RADIL: variants seen among roughly 807,000 people sequenced by gnomAD.
RADIL encodes Rap associating with DIL domain.
A neutral mutation model predicts 97.6 loss-of-function variants in RADIL; 99 were observed. The ratio of observed to expected loss-of-function variants is 1.01; its 90% CI spans 0.86 to 1.20. The LOEUF (loss-of-function observed/expected upper bound fraction) is 1.20, where lower values mean the gene tolerates loss of function less well. Among genes scored for constraint, RADIL ranks in the 50% most tolerant of loss-of-function variants. RADIL has a pLI of 0.00. For synonymous variants in RADIL, 803 were observed against 691.8 expected (o/e 1.16, Z -2.52); for missense variants, 1,765 against 1,498.9 (o/e 1.18, Z -2.93).
At chr7:4,865,514 G>T in intron 2 of RADIL, 1 of 783,178 alleles carries the variant, frequency 1.3e-6, no homozygotes, top group Non-Finnish European at 2.4e-6. Flanking sequence ...TAGCAACTAT[G>T]CGCAGCCAAT....
intron 2 of RADIL, among the ~76,000 whole-genome samples, chr7:4,874,958 C>T (rs1034280062): frequency 6.6e-6 from 1 of 151,720 alleles, no homozygotes; most frequent in Non-Finnish European, 1.5e-5. Context: ...TTTGGGAGGC[C>T]GAGGCGGGCG....
chr7:4,849,958 C>CT lies in RADIL; in HGVS notation c.536-13354dup, dbSNP rs34013156. On this transcript the variant is annotated intron_variant, in intron 2 of 14. Transcript: ENST00000399583. This position sits in a 1 kb window ranked among gnomAD's most constrained non-coding sequence, Gnocchi z 5.4. ...GATCTTACTACTGATAACATCTTTT[C>CT]TTGGTGAAATATAGTATATGTAGGA... 0.49 allele frequency among the ~76,000 whole-genome samples: 74,169 copies of CT among 151,628 alleles called. 19,204 individuals carry two copies. Among genetic ancestry groups the CT allele is most frequent in the African/African-American group, 0.66 (27,388 of 41,300 alleles).
intron 2 of RADIL, chr7:4,838,160 C>A (rs1468643092): frequency 1.3e-5 from 9 of 692,538 alleles, no homozygotes; most frequent in Non-Finnish European, 1.6e-5. Flanking sequence ...CTGCAGAACC[C>A]GGCCCAGCCT....
chr7:4,807,984 TCC>T (rs1782391648), intron 9 of RADIL, among the ~76,000 whole-genome samples: 1 of 48,732 alleles, frequency 2.1e-5, no homozygotes, highest in Non-Finnish European at 3.6e-5. Context: ...CCTCCCTCTC[TCC>T]CTGTCTCTCT....
chr7:4,802,705 T>TGGC (rs1300931183), intron 11 of RADIL, among the ~76,000 whole-genome samples: 3 of 32,882 alleles, frequency 9.1e-5, no homozygotes, highest in African/African-American at 3.7e-4. Context: ...GCTGGCTGGG[T>TGGC]CCCCTCCCCA....
intron 11 of RADIL, among the ~76,000 whole-genome samples, chr7:4,802,979 T>G (rs13235758): frequency 3.1e-5 from 1 of 32,082 alleles, no homozygotes; most frequent in Non-Finnish European, 5.1e-5. Flanking sequence ...CCTCCCCGGG[T>G]ACCTCGGGGC....
intron 2 of RADIL, among the ~76,000 whole-genome samples, chr7:4,866,466 T>C (rs1212064939): frequency 1.3e-5 from 2 of 152,170 alleles, no homozygotes; most frequent in Non-Finnish European, 2.9e-5. Context: ...AAAAAAATAT[T>C]TCTCATCCAA....
intron 9 of RADIL, among the ~76,000 whole-genome samples, chr7:4,806,297 G>A (rs1218937280): frequency 6.6e-6 from 1 of 152,140 alleles, no homozygotes; most frequent in South Asian, 2.1e-4. Flanking sequence ...CCACAGGCTT[G>A]CACCATTATG....
At chr7:4,801,252 G>GCACACAGGCA (rs1457907606) in intron 12 of RADIL, among the ~76,000 whole-genome samples, 1 of 152,146 alleles carries the variant, frequency 6.6e-6, no homozygotes, top group Non-Finnish European at 1.5e-5. Context: ...ACACGCACAA[G>GCACACAGGCA]CACACAGGCA....
In RADIL at chr7:4,840,442, G is replaced by A. The variant is rs1219115395; in HGVS notation, c.536-3837C>T. 6.6e-6 allele frequency among the ~76,000 whole-genome samples: 1 copy of A among 152,078 alleles called. No individual in the cohort carries two copies. The highest frequency in any genetic ancestry group is 6.6e-5 in the Admixed American group (1 of 15,266). On this transcript the variant is annotated intron_variant, in intron 2 of 14. Coordinates refer to ENST00000399583, the MANE Select transcript of RADIL (RefSeq NM_018059.5). This position sits in a 1 kb window ranked among gnomAD's most constrained non-coding sequence, Gnocchi z 5.6. ...GACCCCAGCCACCTTCAGAAGCATC[G>A]CATGGCGCCATCGCTAGACACACAG...
rs1317783198 is a variant in RADIL at position 4,879,253 on chromosome 7, A to G, written c.-64-1050T>C. Among the ~76,000 whole-genome samples the G allele has an allele frequency of 6.6e-6, 1 of 152,218 alleles. No homozygotes were observed. The highest frequency in any genetic ancestry group is 1.5e-5 in the Non-Finnish European group (1 of 68,034). ...CTGGGACGCGTTGGCGTGTCATACA[A>G]TCACACTTCTAATGTCCGTAGCGTG... On this transcript the variant is annotated intron_variant, in intron 1 of 14. Coordinates refer to ENST00000399583, the MANE Select transcript of RADIL (RefSeq NM_018059.5). The surrounding 1 kb of genome is among the most constrained non-coding windows in gnomAD (Gnocchi z 4.1).
chr7:4,800,285 C>G lies in RADIL; in HGVS notation c.2868G>C (p.Glu956Asp). ...PEGDSAALAE[E>D]SPPAPSSRSS... ...TGCGGCTGGACGGGGCTGGAGGGGA[C>G]TCCTCCGCAAGGGCTGCAGAGTCTC... Residue 956 changes from glutamate to aspartate, a missense_variant, in exon 13 of 15, where the codon GAG (glutamate) becomes GAC (aspartate). Physicochemically the swap from Glu to Asp is conservative, Grantham distance 45. Coordinates refer to ENST00000399583, the MANE Select transcript of RADIL (RefSeq NM_018059.5). The G allele has an allele frequency of 6.6e-7, 1 of 1,509,334 alleles. No individual in the cohort carries two copies. Among genetic ancestry groups the G allele is most frequent in the Admixed American group, 2.2e-5 (1 of 45,156 alleles). The allele number at this position is 1,509,334 out of a possible 1,614,324, so 93.5% of individuals were successfully genotyped here.
Position 4,816,465 on chromosome 7 carries a change from A to C in RADIL, c.1729T>G (p.Ser577Ala), listed in dbSNP as rs1782680711. The C allele has an allele frequency of 1.2e-6, 2 of 1,603,656 alleles. No homozygotes were observed. The highest frequency in any genetic ancestry group is 2.7e-5 in the African/African-American group (2 of 74,748). Residue 577 changes from serine to alanine, a missense_variant and splice_region_variant, in exon 8 of 15, where the codon TCC becomes GCC. Transcript: ENST00000399583. ...FQQCVYYVSKSLYICLPALLE... is the reference protein window; with the variant it reads ...FQQCVYYVSKALYICLPALLE... ...AGTGCCGGGAGGCAGATGTACAGGG[A>C]CTGGCGGGGGCAAGAGGAGAACAGC...
Position 4,837,441 on chromosome 7 carries a change from A to C in RADIL, c.536-836T>G, listed in dbSNP as rs1783329172. Among the ~76,000 whole-genome samples, 2 of 152,180 alleles carry C rather than the reference A, an allele frequency of 1.3e-5. No homozygotes were observed. The highest frequency in any genetic ancestry group is 2.9e-5 in the Non-Finnish European group (2 of 68,028). On this transcript the variant is annotated intron_variant, in intron 2 of 14. Transcript: ENST00000399583. This position sits in a 1 kb window ranked among gnomAD's most constrained non-coding sequence, Gnocchi z 5.6. ...CAAGGAGGAGGTGTCACTGTGCCAC[A>C]TCACCCCAGCCCATGGGGCTGCCGA...
At chr7:4,827,840 G>A (rs996480907) in intron 5 of RADIL, among the ~76,000 whole-genome samples, 2 of 151,898 alleles carry the variant, frequency 1.3e-5, no homozygotes, top group African/African-American at 2.4e-5. Flanking sequence ...AACGGAGAAA[G>A]CTCCCCAATT....
intron 11 of RADIL, among the ~76,000 whole-genome samples, chr7:4,802,821 T>A (rs1782151621): frequency 8.8e-6 from 1 of 113,256 alleles, no homozygotes; most frequent in Non-Finnish European, 1.8e-5. Flanking sequence ...CTGGACCCCC[T>A]CCCCGGGCAC....
At position 4,803,989 on chromosome 7, in the gene RADIL, A is replaced by C. The variant is rs375363910; in HGVS notation, c.2291-235T>G. ...GACATCCGAGCAGTTCAGGACTGAG[A>C]ACAAGGCCTTGTAGCCAGGAACCCT... On this transcript the variant is annotated intron_variant, in intron 10 of 14. Coordinates refer to ENST00000399583, the MANE Select transcript of RADIL (RefSeq NM_018059.5). The C allele has an allele frequency of 1.9e-4, 117 of 605,316 alleles. No homozygotes were observed. The African/African-American group carries it at 1.9e-3, about 10-fold the overall frequency. The allele number at this position is 605,316 out of a possible 1,614,324, so 37.5% of individuals were successfully genotyped here. A position where few individuals can be genotyped will look rare whatever the true frequency, so the allele number is the denominator to read the frequency against.
intron 5 of RADIL, among the ~76,000 whole-genome samples, chr7:4,825,053 G>A (rs1782935557): frequency 6.6e-6 from 1 of 152,144 alleles, no homozygotes. Flanking sequence ...TCCTACCCAG[G>A]CCTGTGTGGA....
Position 4,801,668 on chromosome 7 carries a change from C to A in RADIL, c.2827G>T (p.Gly943Cys). The A allele has an allele frequency of 6.2e-7, 1 of 1,600,532 alleles. No individual in the cohort carries two copies. Residue 943 changes from glycine to cysteine, a missense_variant, in exon 12 of 15, where the codon GGT becomes TGT. Transcript: ENST00000399583. Reference sequence around the variant, plus strand: ...CAGGGCTCACCTTCCGGAGCTGCACCCCGGAGGCCGCTGAGTCCGTTCCTC... The same window carrying A: ...CAGGGCTCACCTTCCGGAGCTGCACACCGGAGGCCGCTGAGTCCGTTCCTC... ...RQRNGLSGLR[G>C]AAPEGDSAAL...
Sources: allele counts gnomAD v4.1 joint callset (sites outside exome capture counted in the v4.1 genomes callset), GRCh38; gene constraint gnomAD v4.1.1; non-coding constraint Gnocchi (gnomAD v3.1); transcripts MANE v1.5; gene names NCBI Gene and HGNC (gene_info 2026-07-23, HGNC 2026-07-21).